The following OS9 variants were observed in gnomAD, a reference collection of about 807,000 sequenced individuals.
OS9 encodes protein OS-9.
OS9 carries 58 observed loss-of-function variants against 84.7 expected under a neutral mutation model. The observed-to-expected ratio is 0.68, with a 90% CI of 0.55 to 0.85. The LOEUF (loss-of-function observed/expected upper bound fraction) is 0.85. Ranked by LOEUF, OS9 falls within the 40% of genes least tolerant of loss-of-function variation. OS9 has a pLI of 0.00. For missense variants in OS9, 760 were observed against 850.9 expected (o/e 0.89, Z 1.33); for synonymous variants, 278 against 320.8 (o/e 0.87, Z 1.43).
At chr12:57,717,783 A>G in intron 9 of OS9, 87 bp from the exon 10 acceptor site, 1 of 964,308 alleles carries the variant, frequency 1.0e-6, no homozygotes, top group Non-Finnish European at 1.5e-6. Context: ...ACAGTGCAAG[A>G]CTCTGTCTCA....
At chr12:57,702,881 TC>T (rs1414244553) in intron 5 of OS9, among the ~76,000 whole-genome samples, 1 of 152,208 alleles carries the variant, frequency 6.6e-6, no homozygotes, top group East Asian at 1.9e-4. Context: ...CATTTGTATA[TC>T]TTTTTTGGAG....
chr12:57,719,598 G>T, intron 12 of OS9: 1 of 200,384 alleles, frequency 5.0e-6, no homozygotes, highest in Non-Finnish European at 1.0e-5. Flanking sequence ...CAATAGCTTG[G>T]ATAGACTTTA....
rs1954599557 is a variant in OS9, at chr12:57,719,090, G to T, written c.1508G>T (p.Arg503Ile). Reference protein sequence around the residue: ...LTSTLNKLIKRLEEKQSPELV... With the variant: ...LTSTLNKLIKILEEKQSPELV... The stretch of plus-strand genomic sequence containing the variant: ...TCCACTCTCAACAAACTCATCAAAA[G>T]ACTGGAGGAAAAACAGAGTCCAGAG... Residue 503 changes from arginine to isoleucine, a missense_variant, in exon 12 of 15, where the codon AGA (arginine) becomes ATA (isoleucine). Arg to Ile is a moderately conservative substitution (Grantham distance 97, BLOSUM62 -3). Coordinates refer to ENST00000315970, the MANE Select transcript of OS9 (RefSeq NM_006812.4). 2 of 1,614,096 alleles carry T rather than the reference G, an allele frequency of 1.2e-6. No homozygotes were observed. Among genetic ancestry groups the T allele is most frequent in the East Asian group, 4.5e-5 (2 of 44,870 alleles).
intron 5 of OS9, among the ~76,000 whole-genome samples, chr12:57,709,094 C>T (rs1489599909): frequency 2.0e-5 from 3 of 152,164 alleles, no homozygotes; most frequent in Non-Finnish European, 2.9e-5. Context: ...GTTTTCTCTA[C>T]TCCCTTCTTT....
chr12:57,720,403 CA>C lies in OS9; in HGVS notation c.1766-2del. ...CCTCTCACTGCATACTGCTCCTTTC[CA>C]GGGAAAATTGAGATCAAAATTGTCC... On this transcript the variant is annotated splice_acceptor_variant, in intron 13 of 14. Coordinates refer to ENST00000315970, the MANE Select transcript of OS9 (RefSeq NM_006812.4). LOFTEE classifies it high-confidence loss of function. The C allele has an allele frequency of 1.9e-6, 3 of 1,612,356 alleles. 1 individual carries two copies. Among genetic ancestry groups the C allele is most frequent in the Non-Finnish European group, 2.5e-6 (3 of 1,178,322 alleles).
intron 5 of OS9, among the ~76,000 whole-genome samples, chr12:57,707,728 C>T (rs972177950): frequency 6.6e-6 from 1 of 152,056 alleles, no homozygotes; most frequent in African/African-American, 2.4e-5. Flanking sequence ...TTTGTTATTT[C>T]CTTCCTTCTC....
In OS9 at chr12:57,721,495, G is replaced by C. The variant is rs1395044804; in HGVS notation, c.*586G>C. On this transcript the variant is annotated 3_prime_UTR_variant, in exon 15 of 15. Coordinates refer to ENST00000315970, the MANE Select transcript of OS9 (RefSeq NM_006812.4). ...CCTCCAGCACAATCCCAGTGAAAAA[G>C]GTGTGAAGCACCCACCATGTTCTTG... The C allele has an allele frequency of 1.3e-5, 2 of 153,034 alleles. No individual in the cohort carries two copies. The highest frequency in any genetic ancestry group is 4.8e-5 in the African/African-American group (2 of 41,430). The allele number at this position is 153,034 out of a possible 1,614,324, so 9.5% of individuals were successfully genotyped here. A position where few individuals can be genotyped will look rare whatever the true frequency, so the allele number is the denominator to read the frequency against.
chr12:57,718,650 A>T (rs1222210114), intron 11 of OS9, among the ~76,000 whole-genome samples: 1 of 152,150 alleles, frequency 6.6e-6, no homozygotes, highest in Non-Finnish European at 1.5e-5. Flanking sequence ...CACGCCTGTA[A>T]TCCCAGCACT....
intron 10 of OS9, 57 bp downstream of exon 10, chr12:57,718,015 A>G: frequency 1.3e-6 from 2 of 1,549,058 alleles, no homozygotes; most frequent in Non-Finnish European, 1.8e-6. Flanking sequence ...GAGCATTTGA[A>G]AAACTACCCT....
intron 14 of OS9, 64 bp downstream of exon 14, chr12:57,720,582 C>T (rs539020440): frequency 1.5e-6 from 2 of 1,347,060 alleles, no homozygotes; most frequent in East Asian, 2.3e-5. Flanking sequence ...GCGGGCTTGC[C>T]CCAGCCACGC....
intron 5 of OS9, among the ~76,000 whole-genome samples, chr12:57,714,319 G>A (rs1954419339): frequency 6.6e-6 from 1 of 152,128 alleles, no homozygotes; most frequent in South Asian, 2.1e-4. Context: ...CAATTCTCCT[G>A]CCTCAGCCTC....
rs765861038 is a variant in OS9, at chr12:57,696,006, T to G, written c.448T>G (p.Ser150Ala). ...GEVLYLGYYQ[S>A]AFDWDDETAK... The stretch of plus-strand genomic sequence containing the variant: ...AGTCCTCTATCTCGGCTACTACCAA[T>G]CAGCCTTCGACTGGGATGATGAAAC... The change falls in exon 4 of 15, where the codon TCA becomes GCA. Residue 150 changes from serine to alanine, a missense_variant. Transcript: ENST00000315970. The G allele has an allele frequency of 6.2e-7, 1 of 1,613,566 alleles. No individual in the cohort carries two copies. Among genetic ancestry groups the G allele is most frequent in the Admixed American group, 1.7e-5 (1 of 59,984 alleles).
Position 57,715,948 on chromosome 12 carries a change from G to A in OS9, c.768G>A (p.Met256Ile), listed in dbSNP as rs751031577. 2 of 1,612,738 alleles carry A rather than the reference G, an allele frequency of 1.2e-6. No homozygotes were observed. The highest frequency in any genetic ancestry group is 1.1e-5 in the South Asian group (1 of 90,838). ...CHPSLQPEEYMAYVQRQADSK... is the reference protein window; with the variant it reads ...CHPSLQPEEYIAYVQRQADSK... Reference sequence around the variant, plus strand: ...CTTCCCTACAGCCTGAGGAGTACATGGCCTACGTTCAGAGGCAAGCCGGTG... The same window carrying A: ...CTTCCCTACAGCCTGAGGAGTACATAGCCTACGTTCAGAGGCAAGCCGGTG... The change falls in exon 6 of 15, where the codon ATG becomes ATA. Residue 256 changes from methionine (M) to isoleucine (I), a missense_variant. Coordinates refer to ENST00000315970, the MANE Select transcript of OS9 (RefSeq NM_006812.4).
rs1203894515 is a variant in OS9 at position 57,720,169 on chromosome 12, G to C, written c.1671G>C (p.Leu557=). The part of the protein sequence containing the change: ...KLRLGGPNQD[L]TVLEMKRENP... ...GTCTCGGAGGCCCTAATCAGGATCT[G>C]ACTGTCCTCGAGATGAAACGGGAAA... The change falls in exon 13 of 15, where the codon CTG becomes CTC. Residue 557 remains leucine, a synonymous_variant. Coordinates refer to ENST00000315970, the MANE Select transcript of OS9 (RefSeq NM_006812.4). The C allele has an allele frequency of 3.1e-6, 5 of 1,614,198 alleles. No individual in the cohort carries two copies. Among genetic ancestry groups the C allele is most frequent in the East Asian group, 2.2e-5 (1 of 44,886 alleles).
chr12:57,714,373 T>G (rs898269163), intron 5 of OS9, among the ~76,000 whole-genome samples: 1 of 151,982 alleles, frequency 6.6e-6, no homozygotes, highest in Non-Finnish European at 1.5e-5. Context: ...GGCTGGCTAA[T>G]TTTGTATTTT....
chr12:57,708,276 A>ATT (rs34511080), intron 5 of OS9, among the ~76,000 whole-genome samples: 3 of 151,600 alleles, frequency 2.0e-5, no homozygotes, highest in Non-Finnish European at 4.4e-5. Context: ...ATACTCTGAG[A>ATT]TTTTTTTAAA....
Position 57,695,248 on chromosome 12 carries a change from T to G in OS9, c.339+322T>G, listed in dbSNP as rs114003927. 3.6e-3 allele frequency: 1,479 copies of G among 416,426 alleles called. 21 individuals carry two copies. The highest frequency in any genetic ancestry group is 0.026 in the African/African-American group (1,266 of 49,590). 25.8% of individuals were successfully genotyped at this position (416,426 alleles called of 1,614,324 possible). A position where few individuals can be genotyped will look rare whatever the true frequency, so the allele number is the denominator to read the frequency against. On this transcript the variant is annotated intron_variant, in intron 2 of 14. Transcript: ENST00000315970. ...CCTGCCCTATCACTCTGCTCCAGTA[T>G]CCTGTTTTATTTTCATCGTAGCACT... is the stretch of plus-strand genomic sequence containing the variant.
intron 5 of OS9, among the ~76,000 whole-genome samples, chr12:57,697,924 TACACACACACACAC>T (rs61407014): frequency 0.019 from 1,711 of 91,596 alleles, 42 homozygotes; most frequent in South Asian, 0.085. Context: ...CACACACACA[TACACACACACACAC>T]ACACACACAC....
rs771096281 is a variant in OS9, at chr12:57,718,140, A to G, written c.1135-6A>G. The G allele has an allele frequency of 1.1e-5, 17 of 1,612,338 alleles. No homozygotes were observed. In the East Asian group the frequency reaches 3.1e-4, roughly 30 times the overall value. On this transcript the variant is annotated splice_region_variant and splice_polypyrimidine_tract_variant and intron_variant, in intron 10 of 14. Transcript: ENST00000315970. ...CTGTCTTTCTCCCCACTCCCTACCC[A>G]CCCAGGGGAAGCCAAATATAGGCCA...
Sources: allele counts gnomAD v4.1 joint callset (sites outside exome capture counted in the v4.1 genomes callset), GRCh38; gene constraint gnomAD v4.1.1; transcripts MANE v1.5; gene names NCBI Gene and HGNC (gene_info 2026-07-23, HGNC 2026-07-21).